Variants in ARID1B observed in about 807,000 individuals in gnomAD.
ARID1B encodes AT-rich interaction domain 1B.
A neutral mutation model predicts 212.3 loss-of-function variants in ARID1B; 30 were observed. The ratio of observed to expected loss-of-function variants is 0.14; its 90% CI spans 0.11 to 0.19. ARID1B has a LOEUF of 0.19. Ranked by LOEUF, ARID1B falls within the 10% of genes least tolerant of loss-of-function variation. The pLI is 1.00. For missense variants in ARID1B, 2,891 were observed against 3,204.0 expected (o/e 0.90, Z 2.36); for synonymous variants, 1,402 against 1,301.7 (o/e 1.08, Z -1.66).
At chr6:157,184,878 T>G (rs1207843857) in intron 13 of ARID1B, 1 of 187,296 alleles carries the variant, frequency 5.3e-6, no homozygotes, top group African/African-American at 2.4e-5. Flanking sequence ...TCCTCAGATT[T>G]GAACTTTAGT....
intron 1 of ARID1B, among the ~76,000 whole-genome samples, chr6:156,827,031 A>G (rs1782789049): frequency 6.6e-6 from 1 of 152,178 alleles, no homozygotes; most frequent in Admixed American, 6.5e-5. Context: ...TAATTCATCA[A>G]TTAATGTGCT....
At chr6:157,079,328 A>G (rs1414525798) in intron 4 of ARID1B, among the ~76,000 whole-genome samples, 1 of 152,204 alleles carries the variant, frequency 6.6e-6, no homozygotes, top group Non-Finnish European at 1.5e-5. Context: ...ATCTGGACAT[A>G]AACACTATTA....
At chr6:156,945,284 T>C (rs1392665921) in intron 4 of ARID1B, among the ~76,000 whole-genome samples, 1 of 126,524 alleles carries the variant, frequency 7.9e-6, no homozygotes, top group Non-Finnish European at 1.6e-5. Context: ...TGTTTAGAGC[T>C]CACTGGTTTT....
intron 4 of ARID1B, among the ~76,000 whole-genome samples, chr6:157,041,470 CTTCTTAATAAAT>C (rs1225034443): frequency 3.9e-5 from 6 of 152,114 alleles, no homozygotes; most frequent in African/African-American, 9.7e-5. Context: ...ACTTAATAAA[CTTCTTAATAAAT>C]TTCTTAAGAA....
intron 3 of ARID1B, among the ~76,000 whole-genome samples, chr6:156,902,735 C>CAAAAAAA (rs869259426): frequency 6.5e-5 from 4 of 61,672 alleles, no homozygotes; most frequent in East Asian, 9.4e-4. Context: ...GACTCTGTCT[C>CAAAAAAA]AAAAAAAAAA....
chr6:156,864,713 C>T (rs1785561435), intron 2 of ARID1B, among the ~76,000 whole-genome samples: 1 of 152,072 alleles, frequency 6.6e-6, no homozygotes, highest in South Asian at 2.1e-4. Flanking sequence ...TGTTGCTGTC[C>T]CCGCTGGAAG....
intron 1 of ARID1B, among the ~76,000 whole-genome samples, chr6:156,824,256 G>A (rs968552876): frequency 6.6e-6 from 1 of 152,190 alleles, no homozygotes; most frequent in African/African-American, 2.4e-5. Context: ...GAAAATGGTG[G>A]TGTATATATT....
intron 5 of ARID1B, among the ~76,000 whole-genome samples, chr6:157,095,636 G>A (rs1050091260): frequency 6.6e-6 from 1 of 152,146 alleles, no homozygotes; most frequent in African/African-American, 2.4e-5. Flanking sequence ...TGTTAAGGGC[G>A]GCATAGTGCT....
intron 4 of ARID1B, among the ~76,000 whole-genome samples, chr6:157,031,301 G>A (rs1781003378): frequency 6.6e-6 from 1 of 152,190 alleles, no homozygotes; most frequent in Non-Finnish European, 1.5e-5. Flanking sequence ...AATGGAATAG[G>A]TTGTAGTTGG....
intron 4 of ARID1B, among the ~76,000 whole-genome samples, chr6:157,032,127 G>C (rs963308139): frequency 6.6e-6 from 1 of 152,216 alleles, no homozygotes; most frequent in African/African-American, 2.4e-5. Flanking sequence ...ATGCTGCAGT[G>C]AGGAAGACAT....
At position 157,057,820 on chromosome 6, in the gene ARID1B, A is replaced by G. The variant is rs552854815; in HGVS notation, c.2248-26842A>G. Among the ~76,000 whole-genome samples, 89 of 152,326 alleles carry G rather than the reference A, an allele frequency of 5.8e-4. 1 individual carries two copies. The highest frequency in any genetic ancestry group is 2.8e-3 in the Admixed American group (43 of 15,308). On this transcript the variant is annotated intron_variant, in intron 4 of 19. Transcript: ENST00000636930. The stretch of plus-strand genomic sequence containing the variant: ...TTCCTGTGCTTGATTCTAGAATCAA[A>G]CAAAAGTTTAGGAGGATTAATTTCA...
At chr6:156,950,534 C>T (rs1483247654) in intron 4 of ARID1B, among the ~76,000 whole-genome samples, 1 of 152,130 alleles carries the variant, frequency 6.6e-6, no homozygotes. Flanking sequence ...TTTTTCAATT[C>T]TGCCTTCTTC....
At chr6:157,136,343 C>T (rs1300357170) in intron 7 of ARID1B, among the ~76,000 whole-genome samples, 1 of 152,060 alleles carries the variant, frequency 6.6e-6, no homozygotes, top group Non-Finnish European at 1.5e-5. Flanking sequence ...ATAATTCGGC[C>T]ATGATCCCAC....
rs201366362 is a variant in ARID1B at position 156,803,456 on chromosome 6, A to G, written c.1791+23985A>G. 1.5e-4 allele frequency among the ~76,000 whole-genome samples: 23 copies of G among 152,188 alleles called. No homozygotes were observed. The East Asian group carries it at 3.7e-3, about 24-fold the overall frequency. ...TGTTCTCTAAGCTGTGTGTCTATCT[A>G]TAAATCTTTATCCATCCACCATCTT... is the stretch of plus-strand genomic sequence containing the variant. On this transcript the variant is annotated intron_variant, in intron 1 of 19. Coordinates refer to ENST00000636930, the MANE Select transcript of ARID1B (RefSeq NM_001374828.1).
intron 4 of ARID1B, among the ~76,000 whole-genome samples, chr6:157,069,464 A>G (rs1232924615): frequency 1.3e-5 from 2 of 152,216 alleles, no homozygotes; most frequent in Admixed American, 6.5e-5. Flanking sequence ...AATTTCTTGT[A>G]GGTAGGCTAC....
At chr6:157,010,303 T>TGG (rs1779510825) in intron 4 of ARID1B, among the ~76,000 whole-genome samples, 2 of 127,290 alleles carry the variant, frequency 1.6e-5, no homozygotes, top group Non-Finnish European at 1.7e-5. Flanking sequence ...TTTTTTTTTT[T>TGG]TGTTGTTGTT....
intron 4 of ARID1B, among the ~76,000 whole-genome samples, chr6:157,076,007 C>A (rs1191058798): frequency 6.6e-6 from 1 of 152,080 alleles, no homozygotes; most frequent in Non-Finnish European, 1.5e-5. Context: ...TTAACAGTGT[C>A]GTAGTACTGT....
intron 7 of ARID1B, among the ~76,000 whole-genome samples, chr6:157,143,409 T>C (rs535224846): frequency 6.7e-6 from 1 of 149,738 alleles, no homozygotes; most frequent in Non-Finnish European, 1.5e-5. Context: ...TTGTTTATTT[T>C]GGGAAGAAAG....
intron 2 of ARID1B, among the ~76,000 whole-genome samples, chr6:156,888,866 GTC>G (rs1251927777): frequency 2.0e-5 from 3 of 152,166 alleles, no homozygotes; most frequent in South Asian, 2.1e-4. Context: ...ATAGTTATGA[GTC>G]TCGCATTTAA....
Sources: allele counts gnomAD v4.1 joint callset (sites outside exome capture counted in the v4.1 genomes callset), GRCh38; gene constraint gnomAD v4.1.1; transcripts MANE v1.5; gene names NCBI Gene and HGNC (gene_info 2026-07-23, HGNC 2026-07-21).